ANKFN1: variants seen among roughly 807,000 people sequenced by gnomAD.
The protein encoded by ANKFN1 is ankyrin repeat and fibronectin type-III domain-containing protein 1.
Under a neutral mutation model 108.7 loss-of-function variants are expected in ANKFN1, and 74 were observed. The ratio of observed to expected loss-of-function variants is 0.68; its 90% CI spans 0.56 to 0.83. The LOEUF (loss-of-function observed/expected upper bound fraction) is 0.83, where lower values mean the gene tolerates loss of function less well. Among genes scored for constraint, ANKFN1 ranks in the 40% least tolerant of loss-of-function variants. ANKFN1 has a pLI of 0.00. For missense variants in ANKFN1, 1,505 were observed against 1,382.3 expected (o/e 1.09, Z -1.41); for synonymous variants, 547 against 516.2 (o/e 1.06, Z -0.81).
intron 8 of ANKFN1, among the ~76,000 whole-genome samples, chr17:56,439,559 G>T (rs1056891461): frequency 1.3e-5 from 2 of 151,874 alleles, no homozygotes; most frequent in East Asian, 3.9e-4. Context: ...CAAGGGAGAA[G>T]AACATTAAAC....
intron 8 of ANKFN1, among the ~76,000 whole-genome samples, chr17:56,376,264 T>C (rs1192296587): frequency 1.3e-5 from 2 of 152,216 alleles, no homozygotes; most frequent in Non-Finnish European, 2.9e-5. Flanking sequence ...ACTTAGAATT[T>C]TCCAGATAAC....
intron 4 of ANKFN1, among the ~76,000 whole-genome samples, chr17:56,047,693 G>C (rs1359281026): frequency 6.6e-6 from 1 of 152,140 alleles, no homozygotes; most frequent in East Asian, 1.9e-4. Context: ...ATGACACATG[G>C]GGGTAAACGG....
intron 1 of ANKFN1, among the ~76,000 whole-genome samples, chr17:56,187,143 C>T (rs551258585): frequency 1.8e-4 from 28 of 152,280 alleles, no homozygotes; most frequent in South Asian, 1.5e-3. Context: ...TCAGAGTGAA[C>T]AGGCAACCTA....
At position 56,346,860 on chromosome 17, in the gene ANKFN1, G is replaced by T. The variant is rs78001313; in HGVS notation, c.189-3906G>T. On this transcript the variant is annotated intron_variant, in intron 4 of 20. Coordinates refer to ENST00000682825, the MANE Select transcript of ANKFN1 (RefSeq NM_001370326.1). ...GGAAAAGTAAACTTTTGAATATATT[G>T]TGCACACAGATATATTCAACCTATA... Among the ~76,000 whole-genome samples the T allele has an allele frequency of 1.0e-2, 1,511 of 151,434 alleles. 20 individuals are homozygous for T. Among genetic ancestry groups the T allele is most frequent in the African/African-American group, 0.034 (1,400 of 41,306 alleles).
chr17:56,378,155 G>A (rs542583277), intron 8 of ANKFN1, among the ~76,000 whole-genome samples: 2 of 152,272 alleles, frequency 1.3e-5, no homozygotes, highest in East Asian at 3.9e-4. Context: ...ATCTGCTTCT[G>A]CAGTGACCAG....
At chr17:56,066,191 C>T (rs1277035240) in intron 4 of ANKFN1, among the ~76,000 whole-genome samples, 1 of 152,222 alleles carries the variant, frequency 6.6e-6, no homozygotes, top group African/African-American at 2.4e-5. Context: ...CTTAGATCAC[C>T]TCCCATTCCT....
chr17:56,072,699 G>A (rs908261904), intron 4 of ANKFN1, among the ~76,000 whole-genome samples: 34 of 152,192 alleles, frequency 2.2e-4, no homozygotes, highest in Non-Finnish European at 5.0e-4. Context: ...TTTCAGAATT[G>A]GAGACAATCA....
At chr17:56,131,951 A>G (rs1229623250) in intron 4 of ANKFN1, among the ~76,000 whole-genome samples, 5 of 152,236 alleles carry the variant, frequency 3.3e-5, no homozygotes, top group African/African-American at 7.2e-5. Flanking sequence ...AAATCTACAA[A>G]TGTGTACTCT....
chr17:56,346,584 T>G (rs1259891103), intron 4 of ANKFN1, among the ~76,000 whole-genome samples: 1 of 151,962 alleles, frequency 6.6e-6, no homozygotes, highest in East Asian at 1.9e-4. Flanking sequence ...TTTTCTTGAA[T>G]AAAGACATCC....
chr17:56,234,996 G>A (rs1025818923), intron 3 of ANKFN1, among the ~76,000 whole-genome samples: 1 of 151,828 alleles, frequency 6.6e-6, no homozygotes, highest in African/African-American at 2.4e-5. Flanking sequence ...CCTCTTCTCT[G>A]CAACCTTGCC....
chr17:56,108,095 T>C (rs1175877439), intron 4 of ANKFN1, among the ~76,000 whole-genome samples: 2 of 152,112 alleles, frequency 1.3e-5, no homozygotes, highest in Non-Finnish European at 2.9e-5. Flanking sequence ...AGTGCAGTGG[T>C]GTGATCTCAG....
At chr17:56,085,002 ATT>A (rs139105868) in intron 4 of ANKFN1, among the ~76,000 whole-genome samples, 2,917 of 150,970 alleles carry the variant, frequency 0.019, 118 homozygotes, top group Non-Finnish European at 0.029. Context: ...TAGATGTGTG[ATT>A]TTGGTAGATC....
At chr17:56,501,498 G>A (rs983532541) in intron 20 of ANKFN1, among the ~76,000 whole-genome samples, 1 of 152,158 alleles carries the variant, frequency 6.6e-6, no homozygotes, top group African/African-American at 2.4e-5. Flanking sequence ...AGGTAAGAGA[G>A]AAGGAAAAAC....
chr17:56,271,779 T>G (rs1352310752), intron 3 of ANKFN1, among the ~76,000 whole-genome samples: 1 of 152,068 alleles, frequency 6.6e-6, no homozygotes, highest in Non-Finnish European at 1.5e-5. Flanking sequence ...CTCAGGGAGA[T>G]TGCATCCGGG....
chr17:56,160,866 T>G (rs1346606625), intron 1 of ANKFN1, among the ~76,000 whole-genome samples: 1 of 152,120 alleles, frequency 6.6e-6, no homozygotes, highest in African/African-American at 2.4e-5. Context: ...AATGATCAAA[T>G]AAATCAAAGT....
intron 1 of ANKFN1, among the ~76,000 whole-genome samples, chr17:56,199,410 C>A (rs1039949239): frequency 1.3e-5 from 2 of 151,780 alleles, no homozygotes; most frequent in African/African-American, 4.8e-5. Flanking sequence ...TAATGATTTT[C>A]TTTTCTCTTT....
intron 4 of ANKFN1, among the ~76,000 whole-genome samples, chr17:56,046,578 T>C (rs1263757614): frequency 1.3e-5 from 2 of 152,016 alleles, no homozygotes; most frequent in Non-Finnish European, 2.9e-5. Flanking sequence ...GTCTTTAAAG[T>C]GGGCTGCATG....
chr17:56,403,906 C>A (rs542344005), intron 8 of ANKFN1, among the ~76,000 whole-genome samples: 12 of 151,996 alleles, frequency 7.9e-5, no homozygotes, highest in African/African-American at 2.7e-4. Context: ...AAGACTGTAT[C>A]TTTCCTTCAT....
At chr17:56,157,097 C>A (rs1350410092) in intron 1 of ANKFN1, among the ~76,000 whole-genome samples, 1 of 152,142 alleles carries the variant, frequency 6.6e-6, no homozygotes, top group Admixed American at 6.5e-5. Context: ...GAGGAGAGCA[C>A]TGTACTGGTA....
Sources: allele counts gnomAD v4.1 joint callset (sites outside exome capture counted in the v4.1 genomes callset), GRCh38; gene constraint gnomAD v4.1.1; transcripts MANE v1.5; gene names NCBI Gene and HGNC (gene_info 2026-07-23, HGNC 2026-07-21).